Variants in MARCHF3 observed in about 807,000 individuals in gnomAD.
MARCHF3 encodes the protein membrane associated ring-CH-type finger 3, also known as E3 ubiquitin-protein ligase MARCHF3.
In MARCHF3, 13 loss-of-function variants were observed where a neutral mutation model predicts 24.2. The observed-to-expected ratio is 0.54, with a 90% CI of 0.35 to 0.85. MARCHF3 has a LOEUF of 0.85. Ranked by LOEUF, MARCHF3 falls within the 40% of genes least tolerant of loss-of-function variation. MARCHF3 has a pLI of 0.01. For missense variants in MARCHF3, 276 were observed against 325.0 expected (o/e 0.85, Z 1.16); for synonymous variants, 144 against 137.3 (o/e 1.05, Z -0.34).
At chr5:126,922,131 A>G (rs1240377945) in intron 1 of MARCHF3, among the ~76,000 whole-genome samples, 1 of 152,116 alleles carries the variant, frequency 6.6e-6, no homozygotes, top group Non-Finnish European at 1.5e-5. Flanking sequence ...GTCGTGGGGG[A>G]AGGGAAGGGA....
chr5:127,023,745 T>A (rs1164415381), intron 1 of MARCHF3, among the ~76,000 whole-genome samples: 2 of 137,524 alleles, frequency 1.5e-5, no homozygotes, highest in Non-Finnish European at 3.0e-5. Flanking sequence ...AATAAATAAA[T>A]AAATAAATAA....
At chr5:126,871,933 A>G (rs529134057) in intron 4 of MARCHF3, among the ~76,000 whole-genome samples, 14 of 151,542 alleles carry the variant, frequency 9.2e-5, no homozygotes, top group African/African-American at 3.4e-4. Context: ...CTGGTCTCGA[A>G]CTCCTGATCT....
intron 1 of MARCHF3, among the ~76,000 whole-genome samples, chr5:126,993,430 T>G (rs1317880386): frequency 6.6e-6 from 1 of 152,142 alleles, no homozygotes. Flanking sequence ...ACTACTCCTT[T>G]CTTCCACATG....
In MARCHF3 at chr5:127,030,453, A is replaced by C. The variant is rs911278303; in HGVS notation, c.-160T>G. The C allele has an allele frequency of 6.6e-6, 1 of 152,344 alleles. No homozygotes were observed. Among genetic ancestry groups the C allele is most frequent in the African/African-American group, 2.4e-5 (1 of 41,450 alleles). 9.4% of individuals were successfully genotyped at this position (152,344 alleles called of 1,614,324 possible). A position where few individuals can be genotyped will look rare whatever the true frequency, so the allele number is the denominator to read the frequency against. On this transcript the variant is annotated 5_prime_UTR_variant, in exon 1 of 5. It removes an upstream start codon present in the reference 5' UTR. Transcript: ENST00000308660. ...CTCACGGCCCAGTGGACCAGGGCAC[A>C]TTGGTTCCGGCGGGCACCTCAGGGG...
chr5:126,890,691 T>A (rs1262157293), intron 3 of MARCHF3, among the ~76,000 whole-genome samples: 3 of 151,468 alleles, frequency 2.0e-5, no homozygotes, highest in African/African-American at 7.3e-5. Flanking sequence ...CTATCATTGT[T>A]GGACATTTGG....
intron 1 of MARCHF3, among the ~76,000 whole-genome samples, chr5:126,948,002 G>A (rs1329457867): frequency 6.6e-6 from 1 of 152,034 alleles, no homozygotes; most frequent in Non-Finnish European, 1.5e-5. Context: ...TTCCTACCAT[G>A]CCTCTCAACT....
chr5:126,990,383 T>C (rs182870939), intron 1 of MARCHF3, among the ~76,000 whole-genome samples: 1 of 152,090 alleles, frequency 6.6e-6, no homozygotes, highest in African/African-American at 2.4e-5. Context: ...TTATGCCTTG[T>C]ACAAAAAATA....
intron 1 of MARCHF3, among the ~76,000 whole-genome samples, chr5:126,940,646 C>T (rs1268417832): frequency 6.6e-6 from 1 of 151,992 alleles, no homozygotes; most frequent in Admixed American, 6.5e-5. Context: ...GGGGTTTCTC[C>T]ATGTTGGCCA....
chr5:126,917,725 CT>C (rs1748932152), intron 2 of MARCHF3, among the ~76,000 whole-genome samples: 1 of 152,164 alleles, frequency 6.6e-6, no homozygotes, highest in South Asian at 2.1e-4. Context: ...AACCCCGTAT[CT>C]TGTGGGTTCC....
intron 1 of MARCHF3, among the ~76,000 whole-genome samples, chr5:127,005,297 A>G (rs112840878): frequency 0.052 from 7,822 of 151,844 alleles, 384 homozygotes; most frequent in South Asian, 0.13. Context: ...CACCACGCCT[A>G]GCTAATTTTT....
At chr5:127,025,450 C>A (rs561027651) in intron 1 of MARCHF3, among the ~76,000 whole-genome samples, 1 of 152,230 alleles carries the variant, frequency 6.6e-6, no homozygotes, top group African/African-American at 2.4e-5. Context: ...ACCGTCTGCA[C>A]CTCTATAAAT....
At chr5:126,979,375 G>A (rs1442053342) in intron 1 of MARCHF3, among the ~76,000 whole-genome samples, 1 of 152,206 alleles carries the variant, frequency 6.6e-6, no homozygotes, top group South Asian at 2.1e-4. Context: ...TGAGGTGTTT[G>A]TGATTTCATT....
chr5:127,025,548 A>C (rs183658404), intron 1 of MARCHF3, among the ~76,000 whole-genome samples: 1 of 152,024 alleles, frequency 6.6e-6, no homozygotes, highest in Non-Finnish European at 1.5e-5. Context: ...CTTTTTGCCC[A>C]GTTCTTTTCT....
chr5:126,956,857 T>C (rs1343193846), intron 1 of MARCHF3, among the ~76,000 whole-genome samples: 2 of 152,128 alleles, frequency 1.3e-5, no homozygotes, highest in Non-Finnish European at 2.9e-5. Context: ...TTTCACCAAA[T>C]CTTTGTCATG....
chr5:126,955,542 G>C (rs1314187848), intron 1 of MARCHF3, among the ~76,000 whole-genome samples: 2 of 152,174 alleles, frequency 1.3e-5, no homozygotes, highest in Non-Finnish European at 1.5e-5. Context: ...GTTTCAGCCA[G>C]CATTTCTCCT....
chr5:126,895,383 G>A (rs1045678663), intron 3 of MARCHF3, among the ~76,000 whole-genome samples: 37 of 152,204 alleles, frequency 2.4e-4, no homozygotes, highest in African/African-American at 7.2e-4. Context: ...GAGGAGAGGC[G>A]CTCTGCTTTT....
In MARCHF3 at chr5:127,018,404, TA is replaced by T. The variant is rs368176085; in HGVS notation, c.-57+11945del. On this transcript the variant is annotated intron_variant, in intron 1 of 4. Coordinates refer to ENST00000308660, the MANE Select transcript of MARCHF3 (RefSeq NM_178450.5). ...AATAAACAAATAAATAAAATAAAAA[TA>T]AAAAAAAGATTATGGCAAGTACCAT... Among the ~76,000 whole-genome samples, 225 of 150,638 alleles carry T rather than the reference TA, an allele frequency of 1.5e-3. 2 individuals carry two copies. Among genetic ancestry groups the T allele is most frequent in the African/African-American group, 5.2e-3 (212 of 41,022 alleles).
chr5:126,914,821 GCTATTAC>G (rs2126792414), intron 3 of MARCHF3, 102 bp downstream of exon 3: 1 of 608,794 alleles, frequency 1.6e-6, no homozygotes, highest in Admixed American at 2.6e-5. Context: ...CAGTCACATA[GCTATTAC>G]CGTGCTTCAG....
chr5:126,939,903 C>T (rs1466480939), intron 1 of MARCHF3, among the ~76,000 whole-genome samples: 1 of 152,104 alleles, frequency 6.6e-6, no homozygotes, highest in Non-Finnish European at 1.5e-5. Flanking sequence ...CACTGCAACT[C>T]GTGCATGAAC....
Sources: gnomAD v4.1 joint callset for allele counts (sites outside exome capture counted in the v4.1 genomes callset) on GRCh38, gnomAD v4.1.1 for gene constraint, MANE v1.5 for transcripts, NCBI Gene and HGNC (gene_info 2026-07-23, HGNC 2026-07-21) for gene names.